PP2D1: variants seen among roughly 807,000 people sequenced by gnomAD.
PP2D1 encodes protein phosphatase 2C like domain containing 1.
Under a neutral mutation model 30.2 loss-of-function variants are expected in PP2D1, and 25 were observed. The observed-to-expected ratio is 0.83, with a 90% CI of 0.60 to 1.16. The LOEUF is 1.16. Ranked by LOEUF, PP2D1 falls within the 50% of genes most tolerant of loss-of-function variation. PP2D1 has a pLI of 0.00. For missense variants in PP2D1, 760 were observed against 742.4 expected, an observed-to-expected ratio of 1.02 and a Z score of -0.28; for synonymous variants, 260 against 258.9, an observed-to-expected ratio of 1.00 and a Z score of -0.04.
At chr3:19,983,066 A>G (rs1288060497), downstream of PP2D1, among the ~76,000 whole-genome samples, 1 of 152,156 alleles carries the variant, frequency 6.6e-6, no homozygotes, top group Non-Finnish European at 1.5e-5. Context: ...GCCAGGTGCC[A>G]TGGCTCACGC....
Position 19,985,550 on chromosome 3 carries a change from T to C in PP2D1, c.1723A>G (p.Asn575Asp). The C allele has an allele frequency of 6.5e-7, 1 of 1,536,110 alleles. No homozygotes were observed. The highest frequency in any genetic ancestry group is 1.2e-5 in the South Asian group (1 of 84,060). Reference sequence around the variant, plus strand: ...TCTTTTTCATTTGTTGCCACATCATTTACACTAGTTGGTCTGTCAGTTACT... The same window carrying C: ...TCTTTTTCATTTGTTGCCACATCATCTACACTAGTTGGTCTGTCAGTTACT... ...EKVTDRPTSV[N>D]DVATNEKESD... Residue 575 changes from asparagine to aspartate, a missense_variant, in exon 3 of 3, where the codon AAT becomes GAT. Coordinates refer to ENST00000389050, the MANE Select transcript of PP2D1 (RefSeq NM_001252657.2).
chr3:19,983,715 A>G (rs750047466), downstream of PP2D1: 7 of 1,603,294 alleles, frequency 4.4e-6, no homozygotes, highest in Non-Finnish European at 6.0e-6. Flanking sequence ...CAGCTAAAAA[A>G]TTGCCAAAGA....
At chr3:19,991,715 T>C (rs1336091623) in intron 2 of PP2D1, among the ~76,000 whole-genome samples, 2 of 152,136 alleles carry the variant, frequency 1.3e-5, no homozygotes, top group Non-Finnish European at 2.9e-5. Context: ...GTCAAAGTTA[T>C]TGTGAGACTC....
chr3:19,980,156 A>G (rs1696895666), exon 4 of PP2D1: 1 of 152,226 alleles, frequency 6.6e-6, no homozygotes, highest in Non-Finnish European at 1.5e-5. Context: ...AATGTGACAG[A>G]TGACACCCAG....
intron 1 of PP2D1, among the ~76,000 whole-genome samples, chr3:20,004,775 A>AG (rs1559499997): frequency 6.6e-6 from 1 of 152,004 alleles, no homozygotes; most frequent in Non-Finnish European, 1.5e-5. Flanking sequence ...GACCAGAAAA[A>AG]AAAATACTTT....
At chr3:20,006,868 C>T (rs1697323718) in intron 1 of PP2D1, among the ~76,000 whole-genome samples, 1 of 151,912 alleles carries the variant, frequency 6.6e-6, no homozygotes, top group South Asian at 2.1e-4. Context: ...CCTCTGCCTC[C>T]TGTGTTCAAG....
chr3:19,988,823 G>A (rs1174132365), intron 2 of PP2D1, among the ~76,000 whole-genome samples: 1 of 152,118 alleles, frequency 6.6e-6, no homozygotes, highest in Non-Finnish European at 1.5e-5. Flanking sequence ...AAATATTGGG[G>A]GTGGTTCCCC....
In PP2D1 at chr3:19,985,847, T is replaced by C; in HGVS notation, c.1426A>G (p.Met476Val). Residue 476 changes from methionine (M) to valine (V), a missense_variant, in exon 3 of 3, where the codon ATG (methionine) becomes GTG (valine). Met to Val is a conservative substitution (Grantham distance 21). Coordinates refer to ENST00000389050, the MANE Select transcript of PP2D1 (RefSeq NM_001252657.2). ...ATAGGACAGTATGTTTCTTTATACA[T>C]GTGAAATGTTGTCATTGCCAGGGCA... ...VTALAMTTFH[M>V]YKETYCPIIP... 1.5e-5 allele frequency: 23 copies of C among 1,536,296 alleles called. No homozygotes were observed. Among genetic ancestry groups the C allele is most frequent in the Non-Finnish European group, 1.9e-5 (22 of 1,146,918 alleles).
downstream of PP2D1, chr3:19,983,934 T>C: frequency 1.4e-6 from 1 of 719,122 alleles, no homozygotes; most frequent in Non-Finnish European, 2.3e-6. Flanking sequence ...AGACTTATGA[T>C]AGAGTCAAGT....
chr3:19,980,865 C>A (rs1280749053), downstream of PP2D1, among the ~76,000 whole-genome samples: 1 of 152,168 alleles, frequency 6.6e-6, no homozygotes, highest in Non-Finnish European at 1.5e-5. Flanking sequence ...GCTCCCAAAT[C>A]CATTGCCCAA....
downstream of PP2D1, chr3:19,983,749 A>G (rs1696978023): frequency 1.2e-6 from 2 of 1,612,610 alleles, no homozygotes; most frequent in South Asian, 2.2e-5. Flanking sequence ...TCCAGGAGCA[A>G]ATTCTGCCAG....
At chr3:20,006,949 GTGTATATA>G in intron 1 of PP2D1, among the ~76,000 whole-genome samples, 1 of 150,526 alleles carries the variant, frequency 6.6e-6, no homozygotes, top group Non-Finnish European at 1.5e-5. Context: ...ATACGTATGT[GTGTATATA>G]TATATACATA....
rs1470009378 is a variant in PP2D1, at chr3:19,985,768, G to A, written c.1505C>T (p.Pro502Leu). 1.3e-6 allele frequency: 2 copies of A among 1,535,880 alleles called. No individual in the cohort carries two copies. The highest frequency in any genetic ancestry group is 1.7e-6 in the Non-Finnish European group (2 of 1,146,868). The change falls in exon 3 of 3, where the codon CCA (proline) becomes CTA (leucine). Residue 502 changes from proline (P) to leucine (L), a missense_variant. Pro to Leu is a moderately conservative substitution (Grantham distance 98). This residue lies in a region of PP2D1 where 369 missense variants were observed against 316.2 expected (regional missense o/e 1.17). Coordinates refer to ENST00000389050, the MANE Select transcript of PP2D1 (RefSeq NM_001252657.2). ...ATTACTCTGTGATTTAGTAAGGTTT[G>A]GTTCACTGGTTGAAAAAAGCAGAGG... ...KGPLLFSTSE[P>L]NLTKSQSNIH... is the part of the protein sequence containing the mutation.
rs1697153429 is a variant in PP2D1, at chr3:19,994,447, A to G, written c.1090+6583T>C. On this transcript the variant is annotated intron_variant, in intron 2 of 2. Transcript: ENST00000389050. ...AGAGTTCGAGACCAGCCTGGGCAAT[A>G]TAACAACACCCCATCTCTGCAAAAC... Among the ~76,000 whole-genome samples the G allele has an allele frequency of 2.0e-5, 3 of 152,336 alleles. No homozygotes were observed. The South Asian group carries it at 6.2e-4, about 32-fold the overall frequency.
chr3:20,010,829 T>C (rs1464681133), intron 1 of PP2D1, among the ~76,000 whole-genome samples: 1 of 151,394 alleles, frequency 6.6e-6, no homozygotes, highest in Admixed American at 6.6e-5. Context: ...TAAATAAATA[T>C]ATAAAAATAA....
At chr3:20,010,152 C>T (rs1697367794) in intron 1 of PP2D1, among the ~76,000 whole-genome samples, 1 of 152,034 alleles carries the variant, frequency 6.6e-6, no homozygotes, top group Non-Finnish European at 1.5e-5. Flanking sequence ...GGCTGGAGTG[C>T]AGTAGTGCTA....
At chr3:19,983,650 G>A (rs1696976185), downstream of PP2D1, 9 of 1,148,462 alleles carry the variant, frequency 7.8e-6, 1 homozygote, top group South Asian at 5.3e-5. Context: ...ATAAGCAGGT[G>A]AAACTGATAT....
At chr3:19,989,499 AT>A (rs776907579) in intron 2 of PP2D1, among the ~76,000 whole-genome samples, 6 of 152,158 alleles carry the variant, frequency 3.9e-5, no homozygotes, top group Non-Finnish European at 8.8e-5. Context: ...ATGGCCCCTC[AT>A]TTCTTTATAG....
chr3:19,990,753 ATT>A (rs34466477), intron 2 of PP2D1, among the ~76,000 whole-genome samples: 186 of 140,050 alleles, frequency 1.3e-3, no homozygotes, highest in African/African-American at 3.9e-3. Flanking sequence ...TTAGAGGAAG[ATT>A]TTTTTTTTTT....
Sources: allele counts gnomAD v4.1 joint callset (sites outside exome capture counted in the v4.1 genomes callset), GRCh38; gene constraint gnomAD v4.1.1; regional missense constraint gnomAD v4.1.1; transcripts MANE v1.5; gene names NCBI Gene and HGNC (gene_info 2026-07-23, HGNC 2026-07-21).